The following LRRC2 variants were observed in gnomAD, a reference collection of about 807,000 sequenced individuals.
LRRC2 encodes the protein leucine-rich repeat-containing protein 2.
LRRC2 carries 27 observed loss-of-function variants against 40.2 expected under a neutral mutation model. That is an observed-to-expected ratio of 0.67 (90% CI 0.49 to 0.93). The LOEUF (loss-of-function observed/expected upper bound fraction) is 0.93. Ranked by LOEUF, LRRC2 falls within the 40% of genes least tolerant of loss-of-function variation. The pLI is 0.00. For synonymous variants in LRRC2, 147 were observed against 158.9 expected, an observed-to-expected ratio of 0.92 and a Z score of 0.56; for missense variants, 402 against 439.6, an observed-to-expected ratio of 0.91 and a Z score of 0.76.
At chr3:46,527,258 A>G (rs1704076496) in intron 7 of LRRC2, among the ~76,000 whole-genome samples, 168 bp downstream of exon 7, 1 of 152,202 alleles carries the variant, frequency 6.6e-6, no homozygotes. Context: ...CATATGCCAC[A>G]AACTCCAAAA....
At chr3:46,541,144 T>A in intron 3 of LRRC2, among the ~76,000 whole-genome samples, 1 of 151,912 alleles carries the variant, frequency 6.6e-6, no homozygotes, top group Admixed American at 6.6e-5. Flanking sequence ...CCATCCTGGC[T>A]AACACAGTGA....
intron 2 of LRRC2, among the ~76,000 whole-genome samples, chr3:46,548,597 A>G (rs1472269575): frequency 6.6e-6 from 1 of 152,236 alleles, no homozygotes; most frequent in East Asian, 1.9e-4. Flanking sequence ...TAAATGTGTA[A>G]ATAAAATACC....
At chr3:46,564,296 A>ACCACTTTACAGAGCCAT (rs780916592) in intron 1 of LRRC2, among the ~76,000 whole-genome samples, 35,556 of 147,984 alleles carry the variant, frequency 0.24, 4,564 homozygotes, top group South Asian at 0.29. Context: ...TTATATCAGA[A>ACCACTTTACAGAGCCAT]CCACTTTACA....
At chr3:46,544,943 A>G in intron 3 of LRRC2, 103 bp downstream of exon 3, 1 of 1,113,238 alleles carries the variant, frequency 9.0e-7, no homozygotes, top group East Asian at 2.4e-5. Context: ...GGACAGAAGA[A>G]CCTCCTCTAA....
At position 46,518,452 on chromosome 3, in the gene LRRC2, C is replaced by T. The variant is rs1280823662; in HGVS notation, c.*562G>A. On this transcript the variant is annotated 3_prime_UTR_variant, in exon 9 of 9. Coordinates refer to ENST00000395905, the MANE Select transcript of LRRC2 (RefSeq NM_024512.5). ...TCTCGGCTCACTGCAACTCCACCTCCCAGGTTCAAGCGATTCTCCTGCCTC... is the reference window on the plus strand; with the variant it reads ...TCTCGGCTCACTGCAACTCCACCTCTCAGGTTCAAGCGATTCTCCTGCCTC... 1 of 152,072 alleles carries T rather than the reference C, an allele frequency of 6.6e-6. No homozygotes were observed. Among genetic ancestry groups the T allele is most frequent in the Non-Finnish European group, 1.5e-5 (1 of 68,130 alleles). The allele number at this position is 152,072 out of a possible 1,614,324, so 9.4% of individuals were successfully genotyped here. A position where few individuals can be genotyped will look rare whatever the true frequency, so the allele number is the denominator to read the frequency against.
intron 2 of LRRC2, 190 bp downstream of exon 2, chr3:46,551,277 G>T: frequency 1.9e-6 from 1 of 523,882 alleles, no homozygotes. Flanking sequence ...TTATAACCAT[G>T]GGTGTTGCTA....
At chr3:46,535,854 C>G (rs1704260261) in intron 4 of LRRC2, among the ~76,000 whole-genome samples, 1 of 152,132 alleles carries the variant, frequency 6.6e-6, no homozygotes, top group African/African-American at 2.4e-5. Flanking sequence ...CAGGGATTCA[C>G]CTACTCTAAA....
chr3:46,560,179 T>C (rs968104727), intron 1 of LRRC2, among the ~76,000 whole-genome samples: 19 of 152,290 alleles, frequency 1.2e-4, no homozygotes, highest in Admixed American at 1.3e-4. Context: ...GGGTGGGTTC[T>C]GAGACTGAGA....
intron 2 of LRRC2, among the ~76,000 whole-genome samples, chr3:46,547,456 G>A (rs762862785): frequency 8.6e-5 from 13 of 151,886 alleles, no homozygotes; most frequent in Admixed American, 1.3e-4. Context: ...AGACCAGCCT[G>A]GGAAACAAAG....
intron 2 of LRRC2, among the ~76,000 whole-genome samples, chr3:46,548,702 T>C (rs1366069258): frequency 6.6e-6 from 1 of 152,200 alleles, no homozygotes; most frequent in Admixed American, 6.5e-5. Context: ...AATAGCTCTT[T>C]TATTTCTCCC....
chr3:46,533,033 G>A, intron 4 of LRRC2, 124 bp from the exon 5 acceptor site: 1 of 1,050,980 alleles, frequency 9.5e-7, no homozygotes, highest in Non-Finnish European at 1.4e-6. Flanking sequence ...ACATAATTTA[G>A]TATTTGGGTT....
intron 1 of LRRC2, among the ~76,000 whole-genome samples, 183 bp from the exon 2 acceptor site, chr3:46,551,793 G>C (rs1441141043): frequency 7.6e-6 from 1 of 131,272 alleles, no homozygotes; most frequent in African/African-American, 2.9e-5. Context: ...TGGCTGGTTG[G>C]GTTTTGTTTG....
chr3:46,530,436 C>T (rs1283332223), intron 5 of LRRC2, among the ~76,000 whole-genome samples: 3 of 152,068 alleles, frequency 2.0e-5, no homozygotes, highest in African/African-American at 7.2e-5. Context: ...AAAAATTAAC[C>T]AGATGTGCTG....
chr3:46,532,083 A>G (rs1320656730), intron 5 of LRRC2, among the ~76,000 whole-genome samples: 1 of 152,178 alleles, frequency 6.6e-6, no homozygotes, highest in African/African-American at 2.4e-5. Flanking sequence ...GACTACTTTA[A>G]TCATCTACAA....
At position 46,518,164 on chromosome 3, in the gene LRRC2, AG is replaced by A. The variant is rs1440457124; in HGVS notation, c.*849del. 2.0e-5 allele frequency: 3 copies of A among 152,234 alleles called. No homozygotes were observed. Among genetic ancestry groups the A allele is most frequent in the Non-Finnish European group, 4.4e-5 (3 of 68,060 alleles). The allele number at this position is 152,234 out of a possible 1,614,324, so 9.4% of individuals were successfully genotyped here. A position where few individuals can be genotyped will look rare whatever the true frequency, so the allele number is the denominator to read the frequency against. On this transcript the variant is annotated 3_prime_UTR_variant, in exon 9 of 9. Coordinates refer to ENST00000395905, the MANE Select transcript of LRRC2 (RefSeq NM_024512.5). ...AGATATTCCAGCCTTTGTTTCTTCA[AG>A]GCCTAGATTGTACCTACAAGTCTCT... is the stretch of plus-strand genomic sequence containing the variant.
At chr3:46,519,541 C>T (rs1171756891) in intron 8 of LRRC2, among the ~76,000 whole-genome samples, 2 of 152,230 alleles carry the variant, frequency 1.3e-5, no homozygotes, top group Non-Finnish European at 2.9e-5. Flanking sequence ...CCCCTCTTCT[C>T]TCTCCCTTCA....
At position 46,521,614 on chromosome 3, in the gene LRRC2, T is replaced by C; in HGVS notation, c.974A>G (p.Glu325Gly). Reference sequence around the variant, plus strand: ...ACTTTCCATTATTTCATTGCCATCTTCACATTGGGCATTATCAATAGGATT... The same window carrying C: ...ACTTTCCATTATTTCATTGCCATCTCCACATTGGGCATTATCAATAGGATT... Reference protein sequence around the residue: ...MDNPIDNAQCEDGNEIMESER... With the variant: ...MDNPIDNAQCGDGNEIMESER... The change falls in exon 8 of 9, where the codon GAA becomes GGA. Residue 325 changes from glutamate to glycine, a missense_variant. Coordinates refer to ENST00000395905, the MANE Select transcript of LRRC2 (RefSeq NM_024512.5). 6.2e-7 allele frequency: 1 copy of C among 1,613,034 alleles called. No homozygotes were observed. The highest frequency in any genetic ancestry group is 8.5e-7 in the Non-Finnish European group (1 of 1,179,628).
At chr3:46,533,588 G>A (rs1704198055) in intron 4 of LRRC2, among the ~76,000 whole-genome samples, 1 of 152,052 alleles carries the variant, frequency 6.6e-6, no homozygotes, top group South Asian at 2.1e-4. Context: ...CCTACAGTTG[G>A]GCAAAATCAT....
chr3:46,550,377 CTTTTT>C lies in LRRC2; in HGVS notation c.125+1085_125+1089del, dbSNP rs34602158. On this transcript the variant is annotated intron_variant, in intron 2 of 8. Transcript: ENST00000395905. ...GTAGACACATTCACACCTTACACAT[CTTTTT>C]TTTTTTTTTTTTTTTTTTTGAGACA... Among the ~76,000 whole-genome samples the C allele has an allele frequency of 6.0e-5, 5 of 84,018 alleles. No individual in the cohort carries two copies. The East Asian group carries it at 1.3e-3, about 22-fold the overall frequency. The allele number at this position is 84,018 out of a possible 152,430, so 55.1% of individuals were successfully genotyped here.
Sources: allele counts gnomAD v4.1 joint callset (sites outside exome capture counted in the v4.1 genomes callset), GRCh38; gene constraint gnomAD v4.1.1; transcripts MANE v1.5; gene names NCBI Gene and HGNC (gene_info 2026-07-23, HGNC 2026-07-21).